SLC2A14: variants seen among roughly 807,000 people sequenced by gnomAD.
SLC2A14 encodes the protein solute carrier family 2 member 14.
Under a neutral mutation model 43.0 loss-of-function variants are expected in SLC2A14, and 13 were observed. The ratio of observed to expected loss-of-function variants is 0.30; its 90% CI spans 0.20 to 0.48. The LOEUF (loss-of-function observed/expected upper bound fraction) is 0.48, where lower values mean the gene tolerates loss of function less well. SLC2A14 is among the 20% of genes least tolerant of loss of function. The pLI, the probability that SLC2A14 is intolerant of heterozygous loss-of-function variation, is 0.99. For synonymous variants in SLC2A14, 190 were observed against 233.8 expected (o/e 0.81, Z 1.71); for missense variants, 428 against 620.4 (o/e 0.69, Z 3.29).
chr12:7,824,562 T>C (rs894664143), intron 7 of SLC2A14, among the ~76,000 whole-genome samples: 2 of 151,118 alleles, frequency 1.3e-5, no homozygotes, highest in Non-Finnish European at 2.9e-5. Flanking sequence ...GGAAAAACCC[T>C]GTCTCTACTA....
chr12:7,847,756 C>A (rs1468204861), intron 2 of SLC2A14, among the ~76,000 whole-genome samples: 5 of 151,980 alleles, frequency 3.3e-5, no homozygotes, highest in Non-Finnish European at 2.9e-5. Context: ...TCATAGAAAG[C>A]CAGCTGGTAG....
At chr12:7,868,852 C>CA (rs34596682) in intron 2 of SLC2A14, among the ~76,000 whole-genome samples, 2 of 151,844 alleles carry the variant, frequency 1.3e-5, no homozygotes, top group East Asian at 3.9e-4. Context: ...TACAAAAATA[C>CA]AAAAAAATTA....
intron 2 of SLC2A14, among the ~76,000 whole-genome samples, chr12:7,853,598 T>G (rs931929294): frequency 6.6e-6 from 1 of 151,962 alleles, no homozygotes; most frequent in African/African-American, 2.4e-5. Flanking sequence ...AGATGCTGTC[T>G]CAAGAAAAGA....
chr12:7,863,305 A>G (rs1170086539), intron 2 of SLC2A14: 1 of 444,238 alleles, frequency 2.3e-6, no homozygotes, highest in African/African-American at 2.0e-5. Flanking sequence ...AAACACTCCG[A>G]ACGCATCTGA....
chr12:7,862,288 A>G (rs1944611634), intron 2 of SLC2A14, among the ~76,000 whole-genome samples: 2 of 150,366 alleles, frequency 1.3e-5, no homozygotes, highest in African/African-American at 4.9e-5. Flanking sequence ...AAAAAAAAAA[A>G]GAAGACACCA....
At chr12:7,821,695 T>A (rs1274542728) in intron 7 of SLC2A14, among the ~76,000 whole-genome samples, 1 of 152,180 alleles carries the variant, frequency 6.6e-6, no homozygotes, top group African/African-American at 2.4e-5. Flanking sequence ...TATCCCTGAA[T>A]TATCTTCTGA....
chr12:7,875,977 G>A (rs572234630), upstream of SLC2A14, among the ~76,000 whole-genome samples: 343 of 145,626 alleles, frequency 2.4e-3, no homozygotes, highest in Non-Finnish European at 2.9e-3. Flanking sequence ...CTTCGTCCCA[G>A]AAAAAAAAAA....
chr12:7,826,858 C>CCTTTCTTTCT (rs1565507403), intron 7 of SLC2A14, among the ~76,000 whole-genome samples: 2 of 43,192 alleles, frequency 4.6e-5, no homozygotes, highest in Admixed American at 5.4e-4. Context: ...TCCTTCCTTT[C>CCTTTCTTTCT]TTTTTTCTTT....
rs1865136811 is a variant in SLC2A14, at chr12:7,832,712, T to G, written c.111+10A>C. The G allele has an allele frequency of 3.1e-6, 5 of 1,613,104 alleles. No homozygotes were observed. In the East Asian group the frequency reaches 1.1e-4, roughly 36 times the overall value. ...ATTCCAGATTCTAATTCTTGTGGCC[T>G]GGCACTCACCGTCTCAGGAGCATTG... On this transcript the variant is annotated intron_variant, in intron 3 of 10. Transcript: ENST00000431042.
chr12:7,825,332 C>T (rs1404784901), intron 7 of SLC2A14, among the ~76,000 whole-genome samples: 1 of 150,058 alleles, frequency 6.7e-6, no homozygotes, highest in Non-Finnish European at 1.5e-5. Flanking sequence ...TGGTGTCGGC[C>T]GCCTGTAATT....
intron 7 of SLC2A14, among the ~76,000 whole-genome samples, chr12:7,826,865 CT>C (rs1491388910): frequency 6.5e-5 from 1 of 15,482 alleles, no homozygotes; most frequent in East Asian, 1.5e-3. Flanking sequence ...TTTCTTTTTT[CT>C]TTCTTTCTTT....
upstream of SLC2A14, among the ~76,000 whole-genome samples, chr12:7,876,906 TA>T (rs1240117698): frequency 6.6e-6 from 1 of 152,096 alleles, no homozygotes; most frequent in African/African-American, 2.4e-5. Flanking sequence ...AGAGTTCATA[TA>T]ATTTTTTTTT....
At chr12:7,891,123 T>G (rs920266444) in exon 1 of SLC2A14, 13 of 1,533,244 alleles carry the variant, frequency 8.5e-6, no homozygotes, top group Admixed American at 2.0e-5. Context: ...TTGGAGTCTT[T>G]GCATTGTGAA....
chr12:7,824,003 C>T (rs1864143594), intron 7 of SLC2A14, among the ~76,000 whole-genome samples: 1 of 152,156 alleles, frequency 6.6e-6, no homozygotes, highest in Non-Finnish European at 1.5e-5. Flanking sequence ...CGACTGTAAT[C>T]CCAGCACATT....
At chr12:7,863,659 C>T (rs1440660458) in intron 2 of SLC2A14, among the ~76,000 whole-genome samples, 1 of 151,894 alleles carries the variant, frequency 6.6e-6, no homozygotes, top group Non-Finnish European at 1.5e-5. Flanking sequence ...ACGGACATAG[C>T]TCATTCAATT....
At position 7,837,774 on chromosome 12, in the gene SLC2A14, TC is replaced by T. The variant is rs1324968129; in HGVS notation, c.19-4961del. ...GGCTAATTTTTTATTTTTATTTTTT[TC>T]GAGATGGAGTCTCACTCTGTTGTCC... On this transcript the variant is annotated intron_variant, in intron 2 of 10. Coordinates refer to ENST00000431042, the MANE Select transcript of SLC2A14 (RefSeq NM_001286234.2). Among the ~76,000 whole-genome samples the T allele has an allele frequency of 1.3e-3, 200 of 152,072 alleles. 4 individuals are homozygous for T. Among genetic ancestry groups the T allele is most frequent in the African/African-American group, 4.6e-3 (189 of 41,498 alleles).
intron 2 of SLC2A14, among the ~76,000 whole-genome samples, chr12:7,849,791 T>C (rs1437778525): frequency 6.7e-6 from 1 of 150,216 alleles, no homozygotes; most frequent in African/African-American, 2.5e-5. Context: ...TAGTCCCAGC[T>C]ACTCGGGAGG....
intron 2 of SLC2A14, among the ~76,000 whole-genome samples, chr12:7,862,799 C>T (rs563285052): frequency 9.9e-5 from 15 of 152,150 alleles, no homozygotes; most frequent in African/African-American, 2.2e-4. Context: ...AATTGACACT[C>T]TTTATCTAGC....
At chr12:7,870,934 C>T (rs12815313) in intron 1 of SLC2A14, 534,098 of 1,419,192 alleles carry the variant, frequency 0.38, 100,569 homozygotes, top group South Asian at 0.44. Flanking sequence ...TCGTGATGTT[C>T]GACCAGTTCC....
Sources: gnomAD v4.1 joint callset for allele counts (sites outside exome capture counted in the v4.1 genomes callset) on GRCh38, gnomAD v4.1.1 for gene constraint, MANE v1.5 for transcripts, NCBI Gene and HGNC (gene_info 2026-07-23, HGNC 2026-07-21) for gene names.